STXBP5L: variants seen among roughly 807,000 people sequenced by gnomAD.
STXBP5L encodes the protein syntaxin binding protein 5L.
Under a neutral mutation model 144.5 loss-of-function variants are expected in STXBP5L, and 65 were observed. The ratio of observed to expected loss-of-function variants is 0.45; its 90% CI spans 0.37 to 0.55. The LOEUF (loss-of-function observed/expected upper bound fraction) is 0.55. Among genes scored for constraint, STXBP5L ranks in the 20% least tolerant of loss-of-function variants. The pLI is 0.00. For synonymous variants in STXBP5L, 505 were observed against 469.6 expected (o/e 1.08, Z -0.97); for missense variants, 1,298 against 1,405.5 (o/e 0.92, Z 1.22).
intron 22 of STXBP5L, among the ~76,000 whole-genome samples, chr3:121,397,188 C>G (rs574596565): frequency 6.6e-6 from 1 of 152,326 alleles, no homozygotes; most frequent in Non-Finnish European, 1.5e-5. Flanking sequence ...CACATTCTTG[C>G]TCAGCTAAGG....
intron 7 of STXBP5L, among the ~76,000 whole-genome samples, chr3:121,143,224 GA>G (rs1559793033): frequency 6.7e-6 from 1 of 150,166 alleles, no homozygotes; most frequent in Non-Finnish European, 1.5e-5. Flanking sequence ...TTTTAACGAG[GA>G]AAAGCTCAGG....
At chr3:121,277,775 C>G (rs1482162287) in intron 18 of STXBP5L, among the ~76,000 whole-genome samples, 1 of 151,854 alleles carries the variant, frequency 6.6e-6, no homozygotes. Flanking sequence ...AATTAAGTTA[C>G]TTGGAATCTG....
At chr3:121,377,955 G>A (rs914105717) in intron 20 of STXBP5L, among the ~76,000 whole-genome samples, 1 of 152,144 alleles carries the variant, frequency 6.6e-6, no homozygotes, top group Non-Finnish European at 1.5e-5. Flanking sequence ...ATAAAGAAAT[G>A]TGGCACATAT....
chr3:121,236,231 C>T (rs905224980), intron 12 of STXBP5L, among the ~76,000 whole-genome samples: 1 of 152,190 alleles, frequency 6.6e-6, no homozygotes, highest in Non-Finnish European at 1.5e-5. Context: ...GTCACATACA[C>T]ACAAACCTAC....
intron 20 of STXBP5L, among the ~76,000 whole-genome samples, chr3:121,320,598 T>C (rs915079428): frequency 6.6e-6 from 1 of 152,122 alleles, no homozygotes; most frequent in South Asian, 2.1e-4. Context: ...TTGCTGTCAG[T>C]TTTTGGTAGA....
chr3:121,252,468 T>C, intron 15 of STXBP5L, among the ~76,000 whole-genome samples: 1 of 152,146 alleles, frequency 6.6e-6, no homozygotes. Flanking sequence ...TAAGCATGCA[T>C]AATAATATTT....
chr3:121,063,024 A>C (rs546016659), intron 5 of STXBP5L, among the ~76,000 whole-genome samples: 1 of 152,170 alleles, frequency 6.6e-6, no homozygotes, highest in Non-Finnish European at 1.5e-5. Flanking sequence ...CATCAAACTC[A>C]TTCTCCATCC....
At chr3:120,978,728 T>G (rs1795415) in intron 3 of STXBP5L, among the ~76,000 whole-genome samples, 78,248 of 151,876 alleles carry the variant, frequency 0.52, 20,595 homozygotes, top group Admixed American at 0.6. Flanking sequence ...TTTTGGTGTG[T>G]ATATCCTTTC....
intron 19 of STXBP5L, among the ~76,000 whole-genome samples, chr3:121,316,786 C>A (rs755160155): frequency 3.3e-5 from 5 of 152,168 alleles, no homozygotes; most frequent in Non-Finnish European, 5.9e-5. Flanking sequence ...AAACACCCAC[C>A]TGTTAAATGG....
At chr3:121,041,877 T>A in intron 4 of STXBP5L, 96 bp downstream of exon 4, 1 of 777,592 alleles carries the variant, frequency 1.3e-6, no homozygotes, top group Non-Finnish European at 2.2e-6. Context: ...TCTAAATGCT[T>A]AAATATATAT....
At chr3:121,381,645 C>A in intron 22 of STXBP5L, 113 bp downstream of exon 22, 1 of 1,353,764 alleles carries the variant, frequency 7.4e-7, no homozygotes, top group Non-Finnish European at 1.0e-6. Flanking sequence ...GTATTCTGCA[C>A]AATGGGAACT....
At position 120,952,146 on chromosome 3, in the gene STXBP5L, G is replaced by T. The variant is rs1300389457; in HGVS notation, c.190-2794G>T. On this transcript the variant is annotated intron_variant, in intron 2 of 26. Coordinates refer to ENST00000471454, the MANE Select transcript of STXBP5L (RefSeq NM_001308330.2). ...CAGGAAGGGGAACATCACACTCTGG[G>T]GACTGTTGTGGGGTGGGGGGATGGG... 6.7e-5 allele frequency among the ~76,000 whole-genome samples: 10 copies of T among 148,698 alleles called. No homozygotes were observed. In the Admixed American group the frequency reaches 7.0e-4, roughly 10 times the overall value.
At chr3:121,262,580 G>T (rs1192626605) in intron 18 of STXBP5L, among the ~76,000 whole-genome samples, 4 of 152,040 alleles carry the variant, frequency 2.6e-5, no homozygotes, top group African/African-American at 9.7e-5. Context: ...TTGAGATTGT[G>T]CCATTGCACT....
At chr3:120,978,247 T>G (rs1941319798) in intron 3 of STXBP5L, among the ~76,000 whole-genome samples, 1 of 152,200 alleles carries the variant, frequency 6.6e-6, no homozygotes, top group Admixed American at 6.5e-5. Flanking sequence ...TTCGTTTCTT[T>G]TTATTCTTTT....
intron 10 of STXBP5L, among the ~76,000 whole-genome samples, chr3:121,207,020 ATGTT>A (rs1357861416): frequency 2.6e-5 from 4 of 152,268 alleles, no homozygotes; most frequent in East Asian, 3.9e-4. Flanking sequence ...GGTATACTGA[ATGTT>A]TGTTTATAAC....
intron 3 of STXBP5L, among the ~76,000 whole-genome samples, chr3:121,001,089 A>G (rs188663077): frequency 3.9e-5 from 6 of 152,332 alleles, no homozygotes; most frequent in Non-Finnish European, 8.8e-5. Flanking sequence ...GGTGATGGCA[A>G]CATGATCCAT....
intron 22 of STXBP5L, among the ~76,000 whole-genome samples, chr3:121,400,356 T>C (rs1029344682): frequency 4.6e-5 from 7 of 152,164 alleles, no homozygotes; most frequent in Admixed American, 3.3e-4. Context: ...TTTTGGGGCA[T>C]GGAAGCAGCC....
intron 2 of STXBP5L, among the ~76,000 whole-genome samples, chr3:120,917,111 T>C (rs984160931): frequency 1.3e-5 from 2 of 152,170 alleles, no homozygotes; most frequent in African/African-American, 4.8e-5. Context: ...AAGCATTCTT[T>C]AGAGAGAATA....
At chr3:121,064,307 A>G (rs114124720) in intron 5 of STXBP5L, among the ~76,000 whole-genome samples, 15,070 of 152,148 alleles carry the variant, frequency 0.099, 1,158 homozygotes, top group Admixed American at 0.2. Flanking sequence ...TGCACCAACT[A>G]TCTAACCAGT....
Sources: gnomAD v4.1 joint callset for allele counts (sites outside exome capture counted in the v4.1 genomes callset) on GRCh38, gnomAD v4.1.1 for gene constraint, MANE v1.5 for transcripts, NCBI Gene and HGNC (gene_info 2026-07-23, HGNC 2026-07-21) for gene names.